TTPA: variants seen among roughly 807,000 people sequenced by gnomAD.
TTPA encodes the protein alpha-tocopherol transfer protein.
TTPA carries 23 observed loss-of-function variants against 25.9 expected under a neutral mutation model. That is an observed-to-expected ratio of 0.89 (90% CI 0.64 to 1.26). The LOEUF (loss-of-function observed/expected upper bound fraction) is 1.26, where lower values mean the gene tolerates loss of function less well. Ranked by LOEUF, TTPA falls within the 50% of genes most tolerant of loss-of-function variation. The pLI, the probability that TTPA is intolerant of heterozygous loss-of-function variation, is 0.00. For synonymous variants in TTPA, 148 were observed against 137.3 expected (o/e 1.08, Z -0.54); for missense variants, 337 against 353.1 (o/e 0.95, Z 0.37).
At chr8:63,078,981 C>G (rs1393946234) in intron 1 of TTPA, among the ~76,000 whole-genome samples, 1 of 152,200 alleles carries the variant, frequency 6.6e-6, no homozygotes, top group Non-Finnish European at 1.5e-5. Context: ...AGACTAACAG[C>G]AGATCTCTCA....
Position 63,059,832 on chromosome 8 carries a change from G to A in TTPA, c.*1420C>T, listed in dbSNP as rs1395096408. On this transcript the variant is annotated 3_prime_UTR_variant, in exon 5 of 5. Transcript: ENST00000260116. ...TTTTGAGAACACATGGACACAGGAA[G>A]GGGAACATCACACACCGGGGCCTAT... The A allele has an allele frequency of 6.6e-6, 1 of 151,656 alleles. No individual in the cohort carries two copies. Among genetic ancestry groups the A allele is most frequent in the Non-Finnish European group, 1.5e-5 (1 of 67,932 alleles). 9.4% of individuals were successfully genotyped at this position (151,656 alleles called of 1,614,324 possible).
chr8:63,071,734 G>A (rs1016876195), intron 2 of TTPA, among the ~76,000 whole-genome samples: 2 of 152,118 alleles, frequency 1.3e-5, no homozygotes, highest in African/African-American at 4.8e-5. Context: ...TTCCAAGAGA[G>A]ATGCCTTTTC....
Position 63,082,476 on chromosome 8 carries a change from T to C in TTPA, c.204+3342A>G, listed in dbSNP as rs1286717193. 3.3e-5 allele frequency among the ~76,000 whole-genome samples: 5 copies of C among 152,168 alleles called. No individual in the cohort carries two copies. The East Asian group carries it at 9.6e-4, about 29-fold the overall frequency. ...GAAACTGGATCCCTTCCTTACATCTTATACAAAAATTAATTCAAGATGGAT... is the reference window on the plus strand; with the variant it reads ...GAAACTGGATCCCTTCCTTACATCTCATACAAAAATTAATTCAAGATGGAT... On this transcript the variant is annotated intron_variant, in intron 1 of 4. Coordinates refer to ENST00000260116, the MANE Select transcript of TTPA (RefSeq NM_000370.3).
In TTPA at chr8:63,085,991, C is replaced by T; in HGVS notation, c.31G>A (p.Gly11Arg). The T allele has an allele frequency of 6.7e-7, 1 of 1,497,216 alleles. No individual in the cohort carries two copies. Among genetic ancestry groups the T allele is most frequent in the Non-Finnish European group, 8.8e-7 (1 of 1,132,048 alleles). The allele number at this position is 1,497,216 out of a possible 1,614,324, so 92.7% of individuals were successfully genotyped here. A position where few individuals can be genotyped will look rare whatever the true frequency, so the allele number is the denominator to read the frequency against. ...TCCGGTAGCGCGTTGAGCTGCGGCC[C>T]CGCCGAGGGCTGGGATCGCGCCTCT... MAEARSQPSAGPQLNALPDHS... is the reference protein window; with the variant it reads MAEARSQPSARPQLNALPDHS... The change falls in exon 1 of 5, where the codon GGG (glycine) becomes AGG (arginine). Residue 11 changes from glycine to arginine, a missense_variant. Gly to Arg is a moderately radical substitution (Grantham distance 125). Coordinates refer to ENST00000260116, the MANE Select transcript of TTPA (RefSeq NM_000370.3).
chr8:63,073,013 CAATA>C lies in TTPA; in HGVS notation c.276_279del (p.Ile92MetfsTer4). The C allele has an allele frequency of 6.2e-7, 1 of 1,613,766 alleles. No homozygotes were observed. Among genetic ancestry groups the C allele is most frequent in the Non-Finnish European group, 8.5e-7 (1 of 1,179,796 alleles). ...CCATGGTAGCCAGCCTTTAGGAGGCCAATAATACTTCTAGGGTGTAGATCTGCAC... is the reference window on the plus strand; with the variant it reads ...CCATGGTAGCCAGCCTTTAGGAGGCCATACTTCTAGGGTGTAGATCTGCAC... On this transcript the variant is annotated frameshift_variant, in exon 2 of 5. Transcript: ENST00000260116. LOFTEE classifies it high-confidence loss of function.
chr8:63,061,191 A>G lies in TTPA; in HGVS notation c.*61T>C. 1 of 1,522,094 alleles carries G rather than the reference A, an allele frequency of 6.6e-7. No homozygotes were observed. The allele number at this position is 1,522,094 out of a possible 1,614,324, so 94.3% of individuals were successfully genotyped here. On this transcript the variant is annotated 3_prime_UTR_variant, in exon 5 of 5. Transcript: ENST00000260116. ...TTTGCTCCTTTTCTTTCATTCATTT[A>G]ACCAGGTTGGATATCACTCATGTAT...
chr8:63,060,949 A>G lies in TTPA; in HGVS notation c.*303T>C, dbSNP rs1227411776. 7.8e-6 allele frequency: 2 copies of G among 256,898 alleles called. No homozygotes were observed. Among genetic ancestry groups the G allele is most frequent in the Non-Finnish European group, 1.5e-5 (2 of 131,034 alleles). The allele number at this position is 256,898 out of a possible 1,614,324, so 15.9% of individuals were successfully genotyped here. ...AAAATATAACTTTCTAGAAACATAC[A>G]AAGATGCACATGAGCAGCTACTTTA... is the stretch of plus-strand genomic sequence containing the variant. On this transcript the variant is annotated 3_prime_UTR_variant, in exon 5 of 5. Coordinates refer to ENST00000260116, the MANE Select transcript of TTPA (RefSeq NM_000370.3).
intron 1 of TTPA, among the ~76,000 whole-genome samples, chr8:63,083,010 G>A (rs1372489285): frequency 3.9e-5 from 6 of 152,216 alleles, no homozygotes; most frequent in Non-Finnish European, 8.8e-5. Context: ...AAGATGTGGA[G>A]AAATAAGAAT....
At chr8:63,063,008 C>T (rs1805332233) in intron 4 of TTPA, among the ~76,000 whole-genome samples, 1 of 152,186 alleles carries the variant, frequency 6.6e-6, no homozygotes, top group African/African-American at 2.4e-5. Flanking sequence ...GAAGCATCCA[C>T]TGCATAACCT....
chr8:63,083,096 A>C (rs1473530179), intron 1 of TTPA, among the ~76,000 whole-genome samples: 1 of 152,214 alleles, frequency 6.6e-6, no homozygotes, highest in African/African-American at 2.4e-5. Context: ...TCAAGGATCT[A>C]GAACTAGAAA....
chr8:63,080,911 C>A (rs1226447061), intron 1 of TTPA, among the ~76,000 whole-genome samples: 1 of 151,542 alleles, frequency 6.6e-6, no homozygotes, highest in East Asian at 1.9e-4. Context: ...TGGATAAATT[C>A]CTGGACACAT....
At chr8:63,085,757 G>C in intron 1 of TTPA, 61 bp downstream of exon 1, 1 of 1,513,656 alleles carries the variant, frequency 6.6e-7, no homozygotes, top group Non-Finnish European at 8.8e-7. Context: ...CCGGGGTCGT[G>C]GGGCGGGGGA....
rs1457563106 is a variant in TTPA at position 63,073,020 on chromosome 8, A to G, written c.273T>C (p.Ser91=). The G allele has an allele frequency of 1.2e-6, 2 of 1,613,620 alleles. No individual in the cohort carries two copies. Among genetic ancestry groups the G allele is most frequent in the Non-Finnish European group, 1.7e-6 (2 of 1,179,752 alleles). ...PEISADLHPR[S]IIGLLKAGYH... ...AGCCAGCCTTTAGGAGGCCAATAAT[A>G]CTTCTAGGGTGTAGATCTGCACTTA... Residue 91 remains serine, a synonymous_variant, in exon 2 of 5, where the codon AGT becomes AGC. Coordinates refer to ENST00000260116, the MANE Select transcript of TTPA (RefSeq NM_000370.3).
chr8:63,062,775 CTTGTTT>C (rs1044426957), intron 4 of TTPA, among the ~76,000 whole-genome samples: 30 of 151,912 alleles, frequency 2.0e-4, no homozygotes, highest in African/African-American at 6.5e-4. Context: ...TCAGTTTATT[CTTGTTT>C]TTGTTTTTAT....
chr8:63,063,463 A>C (rs1308851463), intron 4 of TTPA, among the ~76,000 whole-genome samples: 1 of 151,994 alleles, frequency 6.6e-6, no homozygotes, highest in Non-Finnish European at 1.5e-5. Flanking sequence ...TGAAACCGTT[A>C]AGTAGGCTTC....
intron 2 of TTPA, among the ~76,000 whole-genome samples, chr8:63,072,227 T>G: frequency 6.6e-6 from 1 of 152,118 alleles, no homozygotes; most frequent in East Asian, 1.9e-4. Flanking sequence ...ATCCACAATC[T>G]CATGGAGTTT....
At chr8:63,074,425 T>A (rs1207311275) in intron 1 of TTPA, among the ~76,000 whole-genome samples, 2 of 152,214 alleles carry the variant, frequency 1.3e-5, no homozygotes, top group African/African-American at 4.8e-5. Context: ...TTCATTTCTG[T>A]ATTTAATAAA....
At chr8:63,079,209 T>G (rs538176210) in intron 1 of TTPA, among the ~76,000 whole-genome samples, 77 of 152,230 alleles carry the variant, frequency 5.1e-4, no homozygotes, top group African/African-American at 1.8e-3. Context: ...GAACAACTGG[T>G]ACCAGCCACT....
intron 1 of TTPA, among the ~76,000 whole-genome samples, chr8:63,080,314 T>C (rs192301702): frequency 6.6e-6 from 1 of 152,048 alleles, no homozygotes; most frequent in East Asian, 1.9e-4. Context: ...AAGAAACAAC[T>C]AAGATCACAG....
Sources: gnomAD v4.1 joint callset for allele counts (sites outside exome capture counted in the v4.1 genomes callset) on GRCh38, gnomAD v4.1.1 for gene constraint, MANE v1.5 for transcripts, NCBI Gene and HGNC (gene_info 2026-07-23, HGNC 2026-07-21) for gene names.